The following HS6ST3 variants were observed in gnomAD, a reference collection of about 807,000 sequenced individuals.
HS6ST3 encodes the protein heparan sulfate 6-O-sulfotransferase 3.
In HS6ST3, 12 loss-of-function variants were observed where a neutral mutation model predicts 36.7. That is an observed-to-expected ratio of 0.33 (90% confidence interval 0.21 to 0.53). The LOEUF (loss-of-function observed/expected upper bound fraction) is 0.53. Ranked by LOEUF, HS6ST3 falls within the 20% of genes least tolerant of loss-of-function variation. The probability of loss-of-function intolerance (pLI) is 0.95; values close to 1 mark genes in which losing one functional copy is unlikely to be tolerated. For synonymous variants in HS6ST3, 240 were observed against 257.5 expected, an observed-to-expected ratio of 0.93 and a Z score of 0.65; for missense variants, 584 against 640.9, an observed-to-expected ratio of 0.91 and a Z score of 0.96.
At position 96,583,812 on chromosome 13, in the gene HS6ST3, T is replaced by C. The variant is rs2056351066; in HGVS notation, c.708-248678T>C. On this transcript the variant is annotated intron_variant, in intron 1 of 1. Coordinates refer to ENST00000376705, the MANE Select transcript of HS6ST3 (RefSeq NM_153456.4). ...CCTTAGAGAGGCCTCCCCTGATCAC[T>C]CTTATCTAAAGATGAGTTTCTCAAC... 2.0e-5 allele frequency among the ~76,000 whole-genome samples: 3 copies of C among 152,162 alleles called. No individual in the cohort carries two copies. In the South Asian group the frequency reaches 6.2e-4, roughly 32 times the overall value.
intron 1 of HS6ST3, among the ~76,000 whole-genome samples, chr13:96,545,866 G>GA (rs1206314851): frequency 1.3e-5 from 2 of 152,076 alleles, no homozygotes; most frequent in Non-Finnish European, 2.9e-5. Context: ...ACAGGAAGTA[G>GA]AAAAAGCAGT....
chr13:96,379,213 G>T (rs993438163), intron 1 of HS6ST3, among the ~76,000 whole-genome samples: 2 of 152,142 alleles, frequency 1.3e-5, no homozygotes, highest in African/African-American at 4.8e-5. Context: ...TTTAAGTTCT[G>T]TTTGCTATGG....
At chr13:96,167,924 GC>G (rs2054169082) in intron 1 of HS6ST3, among the ~76,000 whole-genome samples, 1 of 152,112 alleles carries the variant, frequency 6.6e-6, no homozygotes, top group Non-Finnish European at 1.5e-5. Context: ...TGTGCTGTGG[GC>G]TTAGATTATA....
At position 96,090,795 on chromosome 13, in the gene HS6ST3, G is replaced by T; in HGVS notation, c.-68G>T. ...GCGCCCCGGAGTCCGCGAAACTTCC[G>T]AGCGGGCGCCCGTCCGCCCTGCCGC... On this transcript the variant is annotated 5_prime_UTR_variant, in exon 1 of 2. Coordinates refer to ENST00000376705, the MANE Select transcript of HS6ST3 (RefSeq NM_153456.4). The T allele has an allele frequency of 1.5e-6, 2 of 1,332,506 alleles. No homozygotes were observed. Among genetic ancestry groups the T allele is most frequent in the Non-Finnish European group, 1.9e-6 (2 of 1,026,936 alleles). The allele number at this position is 1,332,506 out of a possible 1,614,324, so 82.5% of individuals were successfully genotyped here. A position where few individuals can be genotyped will look rare whatever the true frequency, so the allele number is the denominator to read the frequency against.
At chr13:96,638,543 G>A (rs1215992924) in intron 1 of HS6ST3, among the ~76,000 whole-genome samples, 1 of 151,844 alleles carries the variant, frequency 6.6e-6, no homozygotes, top group Non-Finnish European at 1.5e-5. Flanking sequence ...GAATCATGGG[G>A]GCAGTTACCC....
chr13:96,369,997 A>T (rs1049129354), intron 1 of HS6ST3, among the ~76,000 whole-genome samples: 6 of 152,094 alleles, frequency 3.9e-5, no homozygotes, highest in African/African-American at 1.4e-4. Flanking sequence ...AGAGCAAGTC[A>T]CTTCTCTCTG....
chr13:96,103,756 C>G (rs1438893311), intron 1 of HS6ST3, among the ~76,000 whole-genome samples: 1 of 152,076 alleles, frequency 6.6e-6, no homozygotes, highest in Non-Finnish European at 1.5e-5. Context: ...TTTCAAAACA[C>G]CGGAATGACA....
intron 1 of HS6ST3, among the ~76,000 whole-genome samples, chr13:96,108,233 T>C (rs1249485572): frequency 6.6e-6 from 1 of 152,206 alleles, no homozygotes; most frequent in Non-Finnish European, 1.5e-5. Context: ...TATGCAGTTG[T>C]AGATAGGGAT....
chr13:96,569,326 G>T (rs981092103), intron 1 of HS6ST3, among the ~76,000 whole-genome samples: 2 of 152,068 alleles, frequency 1.3e-5, no homozygotes, highest in African/African-American at 4.8e-5. Context: ...GATATTCTCT[G>T]GTCTTGATAT....
At chr13:96,755,477 G>C (rs1200246370) in intron 1 of HS6ST3, among the ~76,000 whole-genome samples, 2 of 152,052 alleles carry the variant, frequency 1.3e-5, no homozygotes, top group African/African-American at 4.8e-5. Context: ...CGATTCTCCT[G>C]CCTCAGCTTC....
At chr13:96,111,923 TAAGAA>T (rs2053870077) in intron 1 of HS6ST3, among the ~76,000 whole-genome samples, 1 of 152,044 alleles carries the variant, frequency 6.6e-6, no homozygotes, top group Non-Finnish European at 1.5e-5. Flanking sequence ...TTTATAAATT[TAAGAA>T]AAGAAATTAC....
At chr13:96,317,379 T>A (rs1232374145) in intron 1 of HS6ST3, among the ~76,000 whole-genome samples, 1 of 32,054 alleles carries the variant, frequency 3.1e-5, no homozygotes, top group African/African-American at 1.7e-4. Context: ...AAATTATATA[T>A]ATATATATAT....
chr13:96,348,484 C>A (rs184008138), intron 1 of HS6ST3, among the ~76,000 whole-genome samples: 1 of 152,142 alleles, frequency 6.6e-6, no homozygotes, highest in African/African-American at 2.4e-5. Flanking sequence ...CTTAGCTTTG[C>A]GACATAAATG....
At chr13:96,605,523 T>A (rs567150097) in intron 1 of HS6ST3, among the ~76,000 whole-genome samples, 1 of 152,262 alleles carries the variant, frequency 6.6e-6, no homozygotes, top group South Asian at 2.1e-4. Flanking sequence ...CCCCACACAT[T>A]GTTCATACGA....
chr13:96,751,671 A>T lies in HS6ST3; in HGVS notation c.708-80819A>T, dbSNP rs963410942. Reference sequence around the variant, plus strand: ...ATGTGTTCCAAGAAGGCAGGCATGTAACTAATTATAGTTAATGCAATGTTT... The same window carrying T: ...ATGTGTTCCAAGAAGGCAGGCATGTTACTAATTATAGTTAATGCAATGTTT... On this transcript the variant is annotated intron_variant, in intron 1 of 1. Coordinates refer to ENST00000376705, the MANE Select transcript of HS6ST3 (RefSeq NM_153456.4). 5.8e-4 allele frequency among the ~76,000 whole-genome samples: 88 copies of T among 152,232 alleles called. 1 individual carries two copies. Among genetic ancestry groups the T allele is most frequent in the African/African-American group, 2.1e-3 (87 of 41,558 alleles).
At chr13:96,725,182 G>A (rs928688028) in intron 1 of HS6ST3, among the ~76,000 whole-genome samples, 3 of 152,100 alleles carry the variant, frequency 2.0e-5, no homozygotes, top group African/African-American at 7.2e-5. Flanking sequence ...CTTTAGTAGT[G>A]TATCTCTTCA....
rs183346898 is a variant in HS6ST3 at position 96,443,769 on chromosome 13, A to G, written c.707+352200A>G. 6.6e-5 allele frequency among the ~76,000 whole-genome samples: 10 copies of G among 152,330 alleles called. No homozygotes were observed. In the South Asian group the frequency reaches 1.4e-3, roughly 22 times the overall value. On this transcript the variant is annotated intron_variant, in intron 1 of 1. Transcript: ENST00000376705. ...TGGTAAATATTTGTTGTTTGAATGG[A>G]GAAGTAAATGGTTTCCCTGTAGTTA...
At chr13:96,646,494 G>T (rs1011435831) in intron 1 of HS6ST3, among the ~76,000 whole-genome samples, 8 of 152,094 alleles carry the variant, frequency 5.3e-5, no homozygotes, top group Non-Finnish European at 8.8e-5. Context: ...TGGATTAAGA[G>T]AATATTTTGT....
chr13:96,304,033 C>T (rs558806431), intron 1 of HS6ST3, among the ~76,000 whole-genome samples: 12 of 151,248 alleles, frequency 7.9e-5, no homozygotes, highest in South Asian at 2.1e-4. Flanking sequence ...GTTCCAGTTA[C>T]GGGGGAGGCT....
Sources: gnomAD v4.1 joint callset for allele counts (sites outside exome capture counted in the v4.1 genomes callset) on GRCh38, gnomAD v4.1.1 for gene constraint, MANE v1.5 for transcripts, NCBI Gene and HGNC (gene_info 2026-07-23, HGNC 2026-07-21) for gene names.